Variants in ANK3 observed in about 807,000 individuals in gnomAD.
ANK3 encodes the protein ankyrin-3.
In ANK3, 57 loss-of-function variants were observed where a neutral mutation model predicts 370.9. The ratio of observed to expected loss-of-function variants is 0.15; its 90% confidence interval spans 0.12 to 0.19. The LOEUF is 0.19. Among genes scored for constraint, ANK3 ranks in the 10% least tolerant of loss-of-function variants. ANK3 has a pLI of 1.00. For missense variants in ANK3, 4,439 were observed against 5,302.1 expected, an observed-to-expected ratio of 0.84 and a Z score of 5.06; for synonymous variants, 1,929 against 1,946.3, an observed-to-expected ratio of 0.99 and a Z score of 0.23.
rs187374523 is a variant in ANK3, at chr10:60,483,116, G to A, written c.96+132070C>T. On this transcript the variant is annotated intron_variant, in intron 2 of 43. Coordinates refer to the ANK3 transcript ENST00000373827. ...ATTTTTTATCTGAATAGTGTAAATG[G>A]AAAATTAATGAAGTTATGTATCTTG... Among the ~76,000 whole-genome samples the A allele has an allele frequency of 8.5e-5, 13 of 152,224 alleles. No homozygotes were observed. The East Asian group carries it at 2.5e-3, about 29-fold the overall frequency.
Position 60,264,116 on chromosome 10 carries a change from A to G in ANK3, c.514-96T>C. The G allele has an allele frequency of 1.0e-5, 11 of 1,080,324 alleles. No individual in the cohort carries two copies. In the South Asian group the frequency reaches 1.6e-4, roughly 16 times the overall value. 66.9% of individuals were successfully genotyped at this position (1,080,324 alleles called of 1,614,324 possible). ...AAGGCAACCAAGTGACCAAGCATCAATTTTTGTTTGGGATTATTAAAACTA... is the reference window on the plus strand; with the variant it reads ...AAGGCAACCAAGTGACCAAGCATCAGTTTTTGTTTGGGATTATTAAAACTA... On this transcript the variant is annotated intron_variant, in intron 5 of 43. Transcript: ENST00000280772.
intron 7 of ANK3, among the ~76,000 whole-genome samples, chr10:60,243,509 G>A (rs1445401993): frequency 1.3e-5 from 2 of 152,018 alleles, no homozygotes; most frequent in East Asian, 3.9e-4. Flanking sequence ...CTCAACCTTG[G>A]ACTTCCCAGC....
At chr10:60,688,297 C>T (rs1238930253) in intron 1 of ANK3, among the ~76,000 whole-genome samples, 2 of 151,918 alleles carry the variant, frequency 1.3e-5, no homozygotes, top group Non-Finnish European at 2.9e-5. Flanking sequence ...AACTCCTGGC[C>T]TCAAGTGATC....
chr10:60,698,783 A>G (rs1331575591), intron 1 of ANK3, among the ~76,000 whole-genome samples: 20 of 147,894 alleles, frequency 1.4e-4, no homozygotes, highest in Non-Finnish European at 2.7e-4. Context: ...GGATAGCATT[A>G]GGAGATATAC....
chr10:60,727,353 G>C (rs1254265688), intron 1 of ANK3, among the ~76,000 whole-genome samples: 1 of 152,108 alleles, frequency 6.6e-6, no homozygotes, highest in Non-Finnish European at 1.5e-5. Flanking sequence ...AAAGAAGCTA[G>C]ACACAAAAAT....
At chr10:60,045,246 A>T (rs775662053) in intron 42 of ANK3, among the ~76,000 whole-genome samples, 1 of 152,230 alleles carries the variant, frequency 6.6e-6, no homozygotes, top group Non-Finnish European at 1.5e-5. Flanking sequence ...TTTACATTCC[A>T]GTAATACAGA....
intron 2 of ANK3, among the ~76,000 whole-genome samples, chr10:60,553,433 G>A (rs2077136192): frequency 6.6e-6 from 1 of 152,126 alleles, no homozygotes. Flanking sequence ...CTATTTTTCT[G>A]ATATAGTTAA....
intron 23 of ANK3, among the ~76,000 whole-genome samples, chr10:60,152,960 C>T (rs909824520): frequency 6.6e-6 from 1 of 152,148 alleles, no homozygotes; most frequent in African/African-American, 2.4e-5. Context: ...ATATACAACT[C>T]AGCAATTATA....
In ANK3 at chr10:60,072,190, A is replaced by C. The variant is rs2082840918; in HGVS notation, c.8691T>G (p.Phe2897Leu). 1 of 1,613,780 alleles carries C rather than the reference A, an allele frequency of 6.2e-7. No homozygotes were observed. Among genetic ancestry groups the C allele is most frequent in the African/African-American group, 1.3e-5 (1 of 74,890 alleles). Residue 2897 changes from phenylalanine to leucine, a missense_variant, in exon 37 of 44, where the codon TTT (phenylalanine) becomes TTG (leucine). Transcript: ENST00000280772. ...TGCGTTCTCTCTCAGTCACAGACAT[A>C]AATTCATTCTTTTGATCAACACTTT... ...ESKSVDQKNE[F>L]MSVTERERKL...
At chr10:60,514,175 T>C (rs1248287276) in intron 2 of ANK3, among the ~76,000 whole-genome samples, 1 of 152,170 alleles carries the variant, frequency 6.6e-6, no homozygotes, top group Non-Finnish European at 1.5e-5. Context: ...ACTGTTTACA[T>C]TATCAGTAAG....
intron 11 of ANK3, among the ~76,000 whole-genome samples, chr10:60,203,879 T>A (rs1290545653): frequency 6.6e-6 from 1 of 152,256 alleles, no homozygotes; most frequent in African/African-American, 2.4e-5. Flanking sequence ...AAGTCATTAA[T>A]ATTTTAAAGA....
intron 1 of ANK3, among the ~76,000 whole-genome samples, chr10:60,615,406 T>C (rs1261754052): frequency 1.3e-5 from 2 of 150,714 alleles, no homozygotes; most frequent in Admixed American, 6.6e-5. Flanking sequence ...AAAAAAGACA[T>C]CTGCAGGAAA....
At chr10:60,555,146 A>G (rs929963589) in intron 2 of ANK3, among the ~76,000 whole-genome samples, 1 of 152,164 alleles carries the variant, frequency 6.6e-6, no homozygotes, top group African/African-American at 2.4e-5. Context: ...AGGAGATCAG[A>G]TTTTATTGGA....
intron 2 of ANK3, among the ~76,000 whole-genome samples, chr10:60,556,261 GCTGTAGCTAAGTGCACCAT>G (rs2077204609): frequency 6.6e-6 from 1 of 152,194 alleles, no homozygotes; most frequent in Non-Finnish European, 1.5e-5. Flanking sequence ...CCTTAAGCCA[GCTGTAGCTAAGTGCACCAT>G]CTATTTTCCG....
At chr10:60,267,511 T>C (rs1215723408) in intron 5 of ANK3, among the ~76,000 whole-genome samples, 1 of 152,180 alleles carries the variant, frequency 6.6e-6, no homozygotes, top group Non-Finnish European at 1.5e-5. Flanking sequence ...ATTAAATCAA[T>C]GTAAAAGAGT....
chr10:60,559,426 C>T (rs772631401), intron 2 of ANK3, among the ~76,000 whole-genome samples: 1 of 152,154 alleles, frequency 6.6e-6, no homozygotes, highest in Non-Finnish European at 1.5e-5. Flanking sequence ...ATCCAAGTTG[C>T]CGTGAATGCC....
At chr10:60,640,951 T>C (rs2078623912) in intron 1 of ANK3, among the ~76,000 whole-genome samples, 2 of 108,924 alleles carry the variant, frequency 1.8e-5, no homozygotes, top group Non-Finnish European at 3.9e-5. Flanking sequence ...ACAAAATCAA[T>C]GTACAAAAAT....
chr10:60,720,750 CCACAGGTG>C (rs2079852083), intron 1 of ANK3, among the ~76,000 whole-genome samples: 1 of 152,114 alleles, frequency 6.6e-6, no homozygotes, highest in Non-Finnish European at 1.5e-5. Flanking sequence ...GTAGCAGGGA[CCACAGGTG>C]CACACCACTA....
intron 2 of ANK3, chr10:60,572,704 A>G (rs1272508222): frequency 1.4e-6 from 2 of 1,411,718 alleles, no homozygotes; most frequent in East Asian, 2.6e-5. Context: ...GCGGGCTGCT[A>G]ATGTAGCCCT....
Sources: allele counts gnomAD v4.1 joint callset (sites outside exome capture counted in the v4.1 genomes callset), GRCh38; gene constraint gnomAD v4.1.1; transcripts MANE v1.5; gene names NCBI Gene and HGNC (gene_info 2026-07-23, HGNC 2026-07-21).